Variants in C12orf56 observed in about 807,000 individuals in gnomAD.
The protein encoded by C12orf56 is chromosome 12 open reading frame 56.
Under a neutral mutation model 69.9 loss-of-function variants are expected in C12orf56, and 71 were observed. The ratio of observed to expected loss-of-function variants is 1.02; its 90% CI spans 0.84 to 1.24. C12orf56 has a LOEUF of 1.24. Among genes scored for constraint, C12orf56 ranks in the 50% most tolerant of loss-of-function variants. The pLI, the probability that C12orf56 is intolerant of heterozygous loss-of-function variation, is 0.00. For missense variants in C12orf56, 732 were observed against 738.5 expected, an observed-to-expected ratio of 0.99 and a Z score of 0.10; for synonymous variants, 276 against 274.1, an observed-to-expected ratio of 1.01 and a Z score of -0.07.
At chr12:64,305,879 T>C (rs2038505383) in intron 5 of C12orf56, among the ~76,000 whole-genome samples, 1 of 152,168 alleles carries the variant, frequency 6.6e-6, no homozygotes, top group Admixed American at 6.5e-5. Flanking sequence ...AAATGTAGTT[T>C]TTACAAACAA....
At chr12:64,293,108 C>G (rs1177120089) in intron 6 of C12orf56, among the ~76,000 whole-genome samples, 2 of 152,084 alleles carry the variant, frequency 1.3e-5, no homozygotes, top group South Asian at 4.1e-4. Flanking sequence ...GGGAGTGACC[C>G]GATTTTCCAG....
At chr12:64,282,375 A>G (rs1441564214) in intron 8 of C12orf56, among the ~76,000 whole-genome samples, 1 of 152,248 alleles carries the variant, frequency 6.6e-6, no homozygotes, top group Admixed American at 6.5e-5. Context: ...CTTTTGGGCT[A>G]CAATGGCAGA....
chr12:64,272,197 A>T (rs934521321), intron 11 of C12orf56, among the ~76,000 whole-genome samples: 3 of 152,038 alleles, frequency 2.0e-5, no homozygotes, highest in Admixed American at 2.0e-4. Context: ...TCTCATTTTT[A>T]AAAATTTTTT....
At chr12:64,356,197 A>G (rs924842835) in intron 1 of C12orf56, among the ~76,000 whole-genome samples, 25 of 151,614 alleles carry the variant, frequency 1.6e-4, no homozygotes, top group Admixed American at 1.6e-3. Flanking sequence ...AAAAAAAAAA[A>G]AACCATACAT....
At chr12:64,385,053 C>T in intron 1 of C12orf56, among the ~76,000 whole-genome samples, 1 of 66,460 alleles carries the variant, frequency 1.5e-5, no homozygotes, top group Non-Finnish European at 3.1e-5. Flanking sequence ...GACTCCTGCT[C>T]AAAAAAAAAA....
rs2136735412 is a variant in C12orf56, at chr12:64,266,526, G to C, written c.*657C>G. 3.7e-6 allele frequency: 1 copy of C among 273,394 alleles called. No homozygotes were observed. The highest frequency in any genetic ancestry group is 8.1e-5 in the East Asian group (1 of 12,346). 16.9% of individuals were successfully genotyped at this position (273,394 alleles called of 1,614,324 possible). A position where few individuals can be genotyped will look rare whatever the true frequency, so the allele number is the denominator to read the frequency against. On this transcript the variant is annotated 3_prime_UTR_variant, in exon 13 of 13. Transcript: ENST00000543942. ...AGTGACCTTAGGCCCAGACCAAGCTGTAATTCCAGAAGTGGCGTGGATGCG... is the reference window on the plus strand; with the variant it reads ...AGTGACCTTAGGCCCAGACCAAGCTCTAATTCCAGAAGTGGCGTGGATGCG...
At chr12:64,270,736 A>G (rs769126491) in intron 11 of C12orf56, 22 bp from the exon 12 acceptor site, 3 of 1,568,652 alleles carry the variant, frequency 1.9e-6, no homozygotes, top group South Asian at 2.4e-5. Context: ...AAATACAGTT[A>G]CATGTAGGCT....
rs548536847 is a variant in C12orf56 at position 64,330,977 on chromosome 12, C to T, written c.471G>A (p.Leu157=). The T allele has an allele frequency of 1.3e-6, 2 of 1,555,858 alleles. No individual in the cohort carries two copies. The highest frequency in any genetic ancestry group is 2.4e-5 in the South Asian group (2 of 83,694). The change falls in exon 3 of 13, where the codon CTG becomes CTA. Residue 157 remains leucine, a synonymous_variant. Coordinates refer to ENST00000543942, the MANE Select transcript of C12orf56 (RefSeq NM_001170633.2). ...AFWRSKESRS[L]KESPLRDQQE... ...AATCTCACCTGAGAGGAGATTCTTT[C>T]AGACTTCTGGACTCTTTGCTTCTCC...
chr12:64,346,782 G>T (rs1372133401), intron 2 of C12orf56, among the ~76,000 whole-genome samples: 1 of 152,082 alleles, frequency 6.6e-6, no homozygotes, highest in African/African-American at 2.4e-5. Flanking sequence ...GTTGAAAGGA[G>T]CTTGTTATGA....
rs1406204559 is a variant in C12orf56 at position 64,303,781 on chromosome 12, T to C, written c.969-2A>G. ...AAGTGCTTAATTTTCTCCTCAGACC[T>C]ACAGAAACAGAAGAAAATTTTCCAC... On this transcript the variant is annotated splice_acceptor_variant, in intron 5 of 12. Transcript: ENST00000543942. LOFTEE classifies it high-confidence loss of function. 3 of 1,571,312 alleles carry C rather than the reference T, an allele frequency of 1.9e-6. No individual in the cohort carries two copies. The South Asian group carries it at 3.7e-5, about 19-fold the overall frequency.
chr12:64,299,684 G>A (rs1162936710), intron 6 of C12orf56, among the ~76,000 whole-genome samples: 1 of 151,988 alleles, frequency 6.6e-6, no homozygotes, highest in African/African-American at 2.4e-5. Context: ...TAAGAAAAAT[G>A]TGCCAATCAC....
intron 3 of C12orf56, among the ~76,000 whole-genome samples, chr12:64,323,333 A>T (rs895473665): frequency 6.6e-6 from 1 of 152,188 alleles, no homozygotes; most frequent in African/African-American, 2.4e-5. Flanking sequence ...AAAATAGAAC[A>T]CAGAGCCCAG....
chr12:64,318,339 A>G (rs1181691492), intron 4 of C12orf56, among the ~76,000 whole-genome samples: 2 of 152,184 alleles, frequency 1.3e-5, no homozygotes, highest in Non-Finnish European at 2.9e-5. Context: ...CTGGGATTAC[A>G]GGAATGAGCC....
Position 64,366,991 on chromosome 12 carries a change from A to G in C12orf56, c.253-13935T>C, listed in dbSNP as rs1308932627. Reference sequence around the variant, plus strand: ...ATACACTTTATATATTATATATAACATACACTTTATATATTATATATAACA... The same window carrying G: ...ATACACTTTATATATTATATATAACGTACACTTTATATATTATATATAACA... On this transcript the variant is annotated intron_variant, in intron 1 of 12. Coordinates refer to ENST00000543942, the MANE Select transcript of C12orf56 (RefSeq NM_001170633.2). 2.9e-4 allele frequency among the ~76,000 whole-genome samples: 27 copies of G among 94,486 alleles called. 1 individual carries two copies. The highest frequency in any genetic ancestry group is 1.1e-3 in the African/African-American group (26 of 22,720). The allele number at this position is 94,486 out of a possible 152,430, so 62.0% of individuals were successfully genotyped here.
At chr12:64,366,976 TATATTATATATA>T (rs2039496539) in intron 1 of C12orf56, among the ~76,000 whole-genome samples, 2 of 110,446 alleles carry the variant, frequency 1.8e-5, no homozygotes, top group African/African-American at 7.2e-5. Context: ...ATACACTTTA[TATATTATATATA>T]ACATACACTT....
chr12:64,276,494 C>G (rs983067811), intron 9 of C12orf56, among the ~76,000 whole-genome samples: 18 of 152,170 alleles, frequency 1.2e-4, no homozygotes, highest in African/African-American at 4.3e-4. Context: ...CCACCCCACT[C>G]TTTAATAGCT....
intron 1 of C12orf56, among the ~76,000 whole-genome samples, chr12:64,389,960 A>G (rs564750708): frequency 3.3e-5 from 5 of 152,224 alleles, no homozygotes; most frequent in African/African-American, 9.6e-5. Flanking sequence ...TCGTTTTTGC[A>G]TCCTCCGAGT....
chr12:64,309,696 A>C (rs2136820094), intron 5 of C12orf56, among the ~76,000 whole-genome samples: 1 of 152,256 alleles, frequency 6.6e-6, no homozygotes, highest in Non-Finnish European at 1.5e-5. Context: ...TCTTTAGTAG[A>C]GACAGGGTTT....
At chr12:64,353,392 A>G (rs1051118683) in intron 1 of C12orf56, among the ~76,000 whole-genome samples, 2 of 152,066 alleles carry the variant, frequency 1.3e-5, no homozygotes, top group African/African-American at 4.8e-5. Flanking sequence ...TCCTGACCTT[A>G]AGTGATCGCC....
Sources: allele counts gnomAD v4.1 joint callset (sites outside exome capture counted in the v4.1 genomes callset), GRCh38; gene constraint gnomAD v4.1.1; transcripts MANE v1.5; gene names NCBI Gene and HGNC (gene_info 2026-07-23, HGNC 2026-07-21).